The following ZNF486 variants were observed in gnomAD, a reference collection of about 807,000 sequenced individuals.
ZNF486 encodes KRAB box only protein 2.
Under a neutral mutation model 12.8 loss-of-function variants are expected in ZNF486, and 12 were observed. The observed-to-expected ratio is 0.94, with a 90% CI of 0.60 to 1.52. The LOEUF is 1.52. ZNF486 is among the 40% of genes most tolerant of loss of function. The pLI, the probability that ZNF486 is intolerant of heterozygous loss-of-function variation, is 0.00. For missense variants in ZNF486, 738 were observed against 545.0 expected (o/e 1.35, Z -3.53); for synonymous variants, 231 against 184.9 (o/e 1.25, Z -2.02).
intron 1 of ZNF486, among the ~76,000 whole-genome samples, chr19:20,168,537 C>A (rs1456450205): frequency 6.6e-6 from 1 of 151,920 alleles, no homozygotes; most frequent in Non-Finnish European, 1.5e-5. Context: ...GCCTGTAATC[C>A]CAGCTACTCG....
At chr19:20,173,894 A>G (rs2089677505) in intron 1 of ZNF486, among the ~76,000 whole-genome samples, 1 of 151,856 alleles carries the variant, frequency 6.6e-6, no homozygotes, top group Non-Finnish European at 1.5e-5. Context: ...GATTTAGATT[A>G]TATATAGTTA....
intron 3 of ZNF486, chr19:20,188,721 A>T (rs2089874052): frequency 5.7e-6 from 2 of 349,554 alleles, no homozygotes; most frequent in Non-Finnish European, 1.0e-5. Context: ...ACTTCTAGAC[A>T]CTTTACATCT....
In ZNF486 at chr19:20,184,473, G is replaced by T. The variant is rs1555716054; in HGVS notation, c.148G>T (p.Val50Phe). Residue 50 changes from valine to phenylalanine, a missense_variant, in exon 2 of 4, where the codon GTC (valine) becomes TTC (phenylalanine). Transcript: ENST00000335117. ...DVMLENYRHL[V>F]FLGIIVSKPD... ...GATGTTAGAGAACTACAGACACCTG[G>T]TCTTCCTTGGTGAGGATAACTTAAA... 6.2e-7 allele frequency: 1 copy of T among 1,609,486 alleles called. No homozygotes were observed. The highest frequency in any genetic ancestry group is 1.3e-5 in the African/African-American group (1 of 74,654).
At chr19:20,176,158 T>C (rs1725909) in intron 1 of ZNF486, 148,701 of 170,516 alleles carry the variant, frequency 0.87, 64,040 homozygotes, top group East Asian at 1. Context: ...GGGTCGCGGC[T>C]GGGCAGAGGC....
At chr19:20,194,819 A>G (rs1191833249) in intron 3 of ZNF486, among the ~76,000 whole-genome samples, 1 of 152,074 alleles carries the variant, frequency 6.6e-6, no homozygotes, top group Non-Finnish European at 1.5e-5. Flanking sequence ...CTATTCTTAT[A>G]TGTGATTTTT....
intron 3 of ZNF486, among the ~76,000 whole-genome samples, chr19:20,187,541 G>A (rs1234461168): frequency 2.4e-5 from 3 of 123,742 alleles, no homozygotes; most frequent in Admixed American, 2.0e-4. Context: ...TCACTCTGTT[G>A]CCCAGGCTGC....
At chr19:20,186,603 C>T (rs1057350502) in intron 3 of ZNF486, among the ~76,000 whole-genome samples, 5 of 151,502 alleles carry the variant, frequency 3.3e-5, no homozygotes, top group Non-Finnish European at 2.9e-5. Flanking sequence ...GATCTTTTTC[C>T]TCAAGATTGC....
At chr19:20,168,641 C>T (rs1417677364) in intron 1 of ZNF486, among the ~76,000 whole-genome samples, 1 of 148,640 alleles carries the variant, frequency 6.7e-6, no homozygotes, top group Admixed American at 6.7e-5. Context: ...GCAACAACAG[C>T]GAAACTCCGT....
chr19:20,179,740 T>C (rs143000658), intron 1 of ZNF486, among the ~76,000 whole-genome samples: 2 of 152,326 alleles, frequency 1.3e-5, no homozygotes, highest in East Asian at 3.9e-4. Context: ...ACAGGCCCCA[T>C]TTGGGAGTGT....
chr19:20,187,191 T>G (rs1437154551), intron 3 of ZNF486, among the ~76,000 whole-genome samples: 2 of 152,018 alleles, frequency 1.3e-5, no homozygotes, highest in Non-Finnish European at 2.9e-5. Context: ...ATTTTATCAG[T>G]TTGTTTTAAG....
At chr19:20,183,162 C>T (rs1452900598) in intron 1 of ZNF486, among the ~76,000 whole-genome samples, 1 of 152,142 alleles carries the variant, frequency 6.6e-6, no homozygotes, top group Non-Finnish European at 1.5e-5. Flanking sequence ...GAATTCTCAG[C>T]AAGAATTTGT....
At chr19:20,196,722 T>C (rs985369390) in intron 3 of ZNF486, among the ~76,000 whole-genome samples, 1 of 151,636 alleles carries the variant, frequency 6.6e-6, no homozygotes, top group East Asian at 1.9e-4. Flanking sequence ...TCTATGTGAC[T>C]GTTTGCATTG....
chr19:20,191,642 C>A (rs1254238142), intron 3 of ZNF486, among the ~76,000 whole-genome samples: 13 of 150,348 alleles, frequency 8.6e-5, no homozygotes, highest in African/African-American at 2.9e-4. Context: ...TGGTGGTGGG[C>A]GCCTGTAGTC....
chr19:20,197,143 T>C lies in ZNF486; in HGVS notation c.433T>C (p.Cys145Arg), dbSNP rs149798440. Reference sequence around the variant, plus strand: ...AAGAGGTTATAATGGACTTAACCAATGTTTGACAACTACCCAGAGCAAAAT... The same window carrying C: ...AAGAGGTTATAATGGACTTAACCAACGTTTGACAACTACCCAGAGCAAAAT... ...HKRGYNGLNQ[C>R]LTTTQSKIFQ... Residue 145 changes from cysteine (C) to arginine (R), a missense_variant, in exon 4 of 4, where the codon TGT becomes CGT. Coordinates refer to ENST00000335117, the MANE Select transcript of ZNF486 (RefSeq NM_052852.4). 2.7e-4 allele frequency: 428 copies of C among 1,613,946 alleles called. 1 individual carries two copies. In the African/African-American group the frequency reaches 4.9e-3, roughly 18 times the overall value.
rs934921682 is a variant in ZNF486 at position 20,191,029 on chromosome 19, C to T, written c.253+4947C>T. ...ACCTGGATCCTTCACCTCACACTTG[C>T]TCTGTTTCATTAACATATAGTATGT... On this transcript the variant is annotated intron_variant, in intron 3 of 3. Transcript: ENST00000335117. 2.6e-5 allele frequency among the ~76,000 whole-genome samples: 4 copies of T among 152,170 alleles called. No individual in the cohort carries two copies. The South Asian group carries it at 6.2e-4, about 24-fold the overall frequency.
At position 20,199,399 on chromosome 19, in the gene ZNF486, T is replaced by C. The variant is rs2089992841; in HGVS notation, c.*1297T>C. The C allele has an allele frequency of 6.6e-6, 1 of 152,180 alleles. No individual in the cohort carries two copies. The highest frequency in any genetic ancestry group is 1.9e-4 in the East Asian group (1 of 5,190). 9.4% of individuals were successfully genotyped at this position (152,180 alleles called of 1,614,324 possible). ...ATCAGGGAATGTATATTGAAGAAGA[T>C]TCCTGCAAATGTAATGAGTTTGGAA... On this transcript the variant is annotated 3_prime_UTR_variant, in exon 4 of 4. Coordinates refer to ENST00000335117, the MANE Select transcript of ZNF486 (RefSeq NM_052852.4).
intron 1 of ZNF486, among the ~76,000 whole-genome samples, 164 bp from the exon 2 acceptor site, chr19:20,184,192 G>C (rs2089816571): frequency 6.6e-6 from 1 of 151,968 alleles, no homozygotes; most frequent in Admixed American, 6.6e-5. Context: ...TTCAGAGATA[G>C]AGAATACATT....
intron 1 of ZNF486, chr19:20,175,223 T>C (rs1178015119): frequency 6.6e-6 from 1 of 152,210 alleles, no homozygotes; most frequent in Non-Finnish European, 1.5e-5. Context: ...TAGGAGAATA[T>C]TTTCTGGCAG....
rs1555718489 is a variant in ZNF486 at position 20,198,664 on chromosome 19, A to C, written c.*562A>C. Reference sequence around the variant, plus strand: ...CAGCCTCCCAAGTAGCTGGGATTACAGGTGCCACCACCATTCCCAGCTAAT... The same window carrying C: ...CAGCCTCCCAAGTAGCTGGGATTACCGGTGCCACCACCATTCCCAGCTAAT... On this transcript the variant is annotated 3_prime_UTR_variant, in exon 4 of 4. Transcript: ENST00000335117. 1 of 154,196 alleles carries C rather than the reference A, an allele frequency of 6.5e-6. No individual in the cohort carries two copies. The highest frequency in any genetic ancestry group is 2.4e-5 in the African/African-American group (1 of 41,412). The allele number at this position is 154,196 out of a possible 1,614,324, so 9.6% of individuals were successfully genotyped here. A position where few individuals can be genotyped will look rare whatever the true frequency, so the allele number is the denominator to read the frequency against.
Sources: gnomAD v4.1 joint callset for allele counts (sites outside exome capture counted in the v4.1 genomes callset) on GRCh38, gnomAD v4.1.1 for gene constraint, MANE v1.5 for transcripts, NCBI Gene and HGNC (gene_info 2026-07-23, HGNC 2026-07-21) for gene names.